B3GALNT2: variants seen among roughly 807,000 people sequenced by gnomAD.
B3GALNT2 encodes the protein UDP-GalNAc:beta-1,3-N-acetylgalactosaminyltransferase 2.
A neutral mutation model predicts 61.1 loss-of-function variants in B3GALNT2; 53 were observed. That is an observed-to-expected ratio of 0.87 (90% CI 0.70 to 1.09). B3GALNT2 has a LOEUF of 1.09. B3GALNT2 is among the 50% of genes least tolerant of loss of function. The probability of loss-of-function intolerance (pLI) is 0.00; values close to 1 mark genes in which losing one functional copy is unlikely to be tolerated. For missense variants in B3GALNT2, 544 were observed against 623.0 expected (o/e 0.87, Z 1.35); for synonymous variants, 223 against 237.4 (o/e 0.94, Z 0.56).
chr1:235,491,288 T>C (rs1179634187), intron 2 of B3GALNT2, among the ~76,000 whole-genome samples: 1 of 152,190 alleles, frequency 6.6e-6, no homozygotes, highest in Non-Finnish European at 1.5e-5. Context: ...AAGTTGGTCA[T>C]AGATAGGAGA....
intron 4 of B3GALNT2, among the ~76,000 whole-genome samples, chr1:235,482,246 C>T (rs1684596873): frequency 6.6e-6 from 1 of 152,108 alleles, no homozygotes. Flanking sequence ...TGCATCTCCT[C>T]CCTACCCCAC....
At chr1:235,466,108 A>G (rs576477951) in intron 6 of B3GALNT2, among the ~76,000 whole-genome samples, 1 of 152,238 alleles carries the variant, frequency 6.6e-6, no homozygotes, top group African/African-American at 2.4e-5. Context: ...ACATCTTGGC[A>G]TGCTTTAAAG....
intron 10 of B3GALNT2, among the ~76,000 whole-genome samples, chr1:235,453,638 G>C (rs1019788108): frequency 6.6e-6 from 1 of 151,982 alleles, no homozygotes; most frequent in Admixed American, 6.6e-5. Context: ...GTAGAGATAG[G>C]GTTTTGCCAT....
At chr1:235,456,479 C>T (rs551280026) in intron 8 of B3GALNT2, among the ~76,000 whole-genome samples, 123 of 152,282 alleles carry the variant, frequency 8.1e-4, no homozygotes, top group Non-Finnish European at 1.6e-3. Flanking sequence ...AGCATCACCC[C>T]ATGTTTCTAA....
intron 1 of B3GALNT2, 37 bp downstream of exon 1, chr1:235,504,104 C>G (rs575037876): frequency 2.6e-5 from 31 of 1,209,152 alleles, no homozygotes; most frequent in African/African-American, 9.5e-5. Context: ...TCCCACCCCC[C>G]CGGCGGCCGC....
At chr1:235,459,610 C>T (rs1683322338) in intron 7 of B3GALNT2, among the ~76,000 whole-genome samples, 1 of 152,034 alleles carries the variant, frequency 6.6e-6, no homozygotes, top group African/African-American at 2.4e-5. Context: ...CTAGGCAACA[C>T]AGCGAGACCC....
intron 2 of B3GALNT2, among the ~76,000 whole-genome samples, chr1:235,493,352 A>T (rs1337912597): frequency 6.6e-6 from 1 of 152,200 alleles, no homozygotes; most frequent in Non-Finnish European, 1.5e-5. Flanking sequence ...GGTGGTTCTG[A>T]TAGTAGTGAT....
At position 235,458,604 on chromosome 1, in the gene B3GALNT2, A is replaced by G; in HGVS notation, c.1024T>C (p.Trp342Arg). 6.3e-7 allele frequency: 1 copy of G among 1,597,194 alleles called. No homozygotes were observed. The highest frequency in any genetic ancestry group is 8.5e-7 in the Non-Finnish European group (1 of 1,174,880). ...VPAKLLNFYR[W>R]TVETTSFNLL... ...CTACCCAACATTTTTACAACCTACC[A>G]TCTATAGAAGTTCAATAATTTTGCA... is the stretch of plus-strand genomic sequence containing the variant. Residue 342 changes from tryptophan to arginine, a missense_variant and splice_region_variant, in exon 8 of 12, where the codon TGG becomes CGG. Transcript: ENST00000366600.
chr1:235,474,972 TATATATATATATATA>T lies in B3GALNT2; in HGVS notation c.652-4027_652-4013del, dbSNP rs1177863094. Among the ~76,000 whole-genome samples, 376 of 40,174 alleles carry T rather than the reference TATATATATATATATA, an allele frequency of 9.4e-3. 1 individual carries two copies. The highest frequency in any genetic ancestry group is 0.022 in the South Asian group (24 of 1,112). The allele number at this position is 40,174 out of a possible 152,430, so 26.4% of individuals were successfully genotyped here. On this transcript the variant is annotated intron_variant, in intron 5 of 11. Coordinates refer to ENST00000366600, the MANE Select transcript of B3GALNT2 (RefSeq NM_152490.5). ...AGACATATATATATATATATATATA[TATATATATATATATA>T]TTTTTTTTTTTTTTTTTTTTTTTGA...
At chr1:235,442,802 T>G (rs191932606), downstream of B3GALNT2, 22 of 1,566,252 alleles carry the variant, frequency 1.4e-5, no homozygotes, top group African/African-American at 2.4e-4. Context: ...ATAATTTAAA[T>G]CCATATAATA....
chr1:235,465,333 G>A, intron 7 of B3GALNT2: 1 of 266,356 alleles, frequency 3.8e-6, no homozygotes, highest in Non-Finnish European at 6.7e-6. Context: ...CCATTTATGT[G>A]AAATGTTCAA....
intron 9 of B3GALNT2, among the ~76,000 whole-genome samples, chr1:235,454,890 T>C (rs1213947092): frequency 6.6e-6 from 1 of 152,160 alleles, no homozygotes; most frequent in Non-Finnish European, 1.5e-5. Flanking sequence ...TTAGTATATA[T>C]GAAAACAAAA....
chr1:235,480,006 C>T (rs369671294), intron 5 of B3GALNT2, 48 bp downstream of exon 5: 312 of 1,608,018 alleles, frequency 1.9e-4, no homozygotes, highest in Non-Finnish European at 2.6e-4. Flanking sequence ...ACGCCCACTC[C>T]TATGAAGGAC....
intron 5 of B3GALNT2, among the ~76,000 whole-genome samples, chr1:235,477,389 C>T (rs2102829030): frequency 6.6e-6 from 1 of 152,268 alleles, no homozygotes; most frequent in South Asian, 2.1e-4. Flanking sequence ...TTCCTAAGAA[C>T]AAGGACATTC....
At chr1:235,481,575 C>T (rs1684566851) in intron 4 of B3GALNT2, among the ~76,000 whole-genome samples, 3 of 152,148 alleles carry the variant, frequency 2.0e-5, no homozygotes, top group African/African-American at 7.2e-5. Flanking sequence ...AACTCCTGGG[C>T]TGAAGCAATC....
At chr1:235,481,883 C>T (rs1020403218) in intron 4 of B3GALNT2, among the ~76,000 whole-genome samples, 3 of 152,148 alleles carry the variant, frequency 2.0e-5, no homozygotes, top group Non-Finnish European at 2.9e-5. Flanking sequence ...TCCTACTCTT[C>T]CCTCTGTCTT....
At chr1:235,494,896 TAA>T (rs1685246005) in intron 1 of B3GALNT2, 68 bp from the exon 2 acceptor site, 1 of 1,347,076 alleles carries the variant, frequency 7.4e-7, no homozygotes, top group South Asian at 1.4e-5. Context: ...ATATGTATCA[TAA>T]GTTTATTACA....
intron 4 of B3GALNT2, among the ~76,000 whole-genome samples, chr1:235,481,022 G>A (rs1684542892): frequency 1.4e-5 from 2 of 146,050 alleles, no homozygotes. Flanking sequence ...TCATTCTCAT[G>A]CCTATTCTTA....
downstream of B3GALNT2, among the ~76,000 whole-genome samples, chr1:235,442,663 A>G (rs115696744): frequency 6.9e-3 from 1,052 of 152,310 alleles, 12 homozygotes; most frequent in African/African-American, 0.024. Flanking sequence ...AAGGGAAAGT[A>G]TTGTCCAGCT....
Sources: gnomAD v4.1 joint callset for allele counts (sites outside exome capture counted in the v4.1 genomes callset) on GRCh38, gnomAD v4.1.1 for gene constraint, MANE v1.5 for transcripts, NCBI Gene and HGNC (gene_info 2026-07-23, HGNC 2026-07-21) for gene names.